The following HOXA4 variants were observed in gnomAD, a reference collection of about 807,000 sequenced individuals.
The protein encoded by HOXA4 is homeobox A4.
In HOXA4, 31 loss-of-function variants were observed where a neutral mutation model predicts 25.3. That is an observed-to-expected ratio of 1.22 (90% CI 0.92 to 1.65). The LOEUF (loss-of-function observed/expected upper bound fraction) is 1.65, where lower values mean the gene tolerates loss of function less well. HOXA4 is among the 40% of genes most tolerant of loss of function. The pLI is 0.00. For missense variants in HOXA4, 459 were observed against 446.0 expected (o/e 1.03, Z -0.26); for synonymous variants, 225 against 207.7 (o/e 1.08, Z -0.72).
At chr7:27,129,958 T>C in intron 1 of HOXA4, 160 bp downstream of exon 1, 1 of 777,010 alleles carries the variant, frequency 1.3e-6, no homozygotes, top group Non-Finnish European at 2.0e-6. Context: ...ATCAGGCGGC[T>C]GGCTGGCGCG....
chr7:27,129,468 CA>C lies in HOXA4; in HGVS notation c.719del (p.Leu240ArgfsTer29). 3 of 1,614,122 alleles carry C rather than the reference CA, an allele frequency of 1.9e-6. No homozygotes were observed. Among genetic ancestry groups the C allele is most frequent in the Non-Finnish European group, 2.5e-6 (3 of 1,180,018 alleles). Reference protein sequence around the residue: ...LEKEFHFNRYLTRRRRIEIAH... With the variant: ...LEKEFHFNRYXTRRRRIEIAH... ...CGATCTCGATGCGGCGCCGCCGGGTCAGGTATCGATTGAAGTGGAACTCCTT... is the reference window on the plus strand; with the variant it reads ...CGATCTCGATGCGGCGCCGCCGGGTCGGTATCGATTGAAGTGGAACTCCTT... On this transcript the variant is annotated frameshift_variant, in exon 2 of 2. Coordinates refer to ENST00000360046, the MANE Select transcript of HOXA4 (RefSeq NM_002141.5). LOFTEE classifies it high-confidence loss of function.
In HOXA4 at chr7:27,130,756, C is replaced by T; in HGVS notation, c.-23G>A. 1 of 1,593,948 alleles carries T rather than the reference C, an allele frequency of 6.3e-7. No homozygotes were observed. The highest frequency in any genetic ancestry group is 1.7e-5 in the Admixed American group (1 of 58,308). On this transcript the variant is annotated 5_prime_UTR_variant, in exon 1 of 2. Coordinates refer to ENST00000360046, the MANE Select transcript of HOXA4 (RefSeq NM_002141.5). ...CATTAATTTGTGAAGTGCAAAAATA[C>T]TAATTTTTCTCGCGTTGTCGTTTTT...
In HOXA4 at chr7:27,129,172, A is replaced by G; in HGVS notation, c.*53T>C. 9.4e-7 allele frequency: 1 copy of G among 1,068,448 alleles called. No individual in the cohort carries two copies. Among genetic ancestry groups the G allele is most frequent in the South Asian group, 1.2e-5 (1 of 80,232 alleles). The allele number at this position is 1,068,448 out of a possible 1,614,324, so 66.2% of individuals were successfully genotyped here. A position where few individuals can be genotyped will look rare whatever the true frequency, so the allele number is the denominator to read the frequency against. On this transcript the variant is annotated 3_prime_UTR_variant, in exon 2 of 2. Coordinates refer to ENST00000360046, the MANE Select transcript of HOXA4 (RefSeq NM_002141.5). Reference sequence around the variant, plus strand: ...GGGTGGATGAGGAACGGAGCAGGAGAAGAGAAGAGAAAAGCAGGTAAGGGA... The same window carrying G: ...GGGTGGATGAGGAACGGAGCAGGAGGAGAGAAGAGAAAAGCAGGTAAGGGA...
chr7:27,130,037 G>A, intron 1 of HOXA4, 81 bp downstream of exon 1: 1 of 1,461,238 alleles, frequency 6.8e-7, no homozygotes, highest in Non-Finnish European at 9.2e-7. Context: ...CTTCCCCTGA[G>A]CCTCTCCCTC....
In HOXA4 at chr7:27,130,344, C is replaced by T. The variant is rs977484319; in HGVS notation, c.390G>A (p.Leu130=). 6.3e-6 allele frequency: 7 copies of T among 1,119,720 alleles called. No homozygotes were observed. The highest frequency in any genetic ancestry group is 1.7e-5 in the African/African-American group (1 of 59,492). The allele number at this position is 1,119,720 out of a possible 1,614,324, so 69.4% of individuals were successfully genotyped here. The part of the protein sequence containing the change: ...PAQAKGPAHG[L]HASHVLQPQL... ...GGGGCTGCAGGACGTGGCTCGCATG[C>T]AGGCCGTGCGCTGGGCCCTTGGCTT... The change falls in exon 1 of 2, where the codon CTG becomes CTA. Residue 130 remains leucine (L), a synonymous_variant. Coordinates refer to ENST00000360046, the MANE Select transcript of HOXA4 (RefSeq NM_002141.5).
At position 27,130,665 on chromosome 7, in the gene HOXA4, G is replaced by A; in HGVS notation, c.69C>T (p.Tyr23=). Residue 23 remains tyrosine (Y), a synonymous_variant, in exon 1 of 2, where the codon TAC becomes TAT. Coordinates refer to ENST00000360046, the MANE Select transcript of HOXA4 (RefSeq NM_002141.5). ...IEPKFPPFEE[Y]AQHSGSGGAD... ...CGCCGCCCGAGCCGCTGTGCTGCGC[G>A]TACTCCTCGAAGGGAGGGAACTTGG... The A allele has an allele frequency of 1.2e-6, 2 of 1,606,560 alleles. No homozygotes were observed. Among genetic ancestry groups the A allele is most frequent in the South Asian group, 2.2e-5 (2 of 90,224 alleles).
At chr7:27,129,683 T>C (rs1785436960) in intron 1 of HOXA4, 112 bp from the exon 2 acceptor site, 3 of 1,151,112 alleles carry the variant, frequency 2.6e-6, no homozygotes, top group Non-Finnish European at 2.5e-6. Flanking sequence ...ATCATCATTA[T>C]ATAATAACCT....
chr7:27,130,592 G>T lies in HOXA4; in HGVS notation c.142C>A (p.Pro48Thr), dbSNP rs759895745. The T allele has an allele frequency of 6.6e-7, 1 of 1,525,336 alleles. No homozygotes were observed. 94.5% of individuals were successfully genotyped at this position (1,525,336 alleles called of 1,614,324 possible). ...TGCAGCGGCAGGTGCTGGGTCGGGG[G>T]CGCTGGGGGCTGCTGGTAGCCGGGG... ...GGPGYQQPPA[P>T]PTQHLPLQQP... Residue 48 changes from proline to threonine, a missense_variant, in exon 1 of 2, where the codon CCC (proline) becomes ACC (threonine). Transcript: ENST00000360046.
intron 1 of HOXA4, among the ~76,000 whole-genome samples, chr7:27,129,798 G>A (rs536412763): frequency 6.6e-6 from 1 of 152,318 alleles, no homozygotes; most frequent in East Asian, 1.9e-4. Flanking sequence ...CTGGGCATTG[G>A]GGCTGAAGAA....
chr7:27,130,208 G>A lies in HOXA4; in HGVS notation c.526C>T (p.Pro176Ser), dbSNP rs1475835236. ...GGGCTCTTGTCGGCCAAGAGCAGCG[G>A]GCACGCGGGGGCGCTGCCCCCTGCC... ...VPAGGSAPAC[P>S]LLLADKSPLG... The change falls in exon 1 of 2, where the codon CCG becomes TCG. Residue 176 changes from proline to serine, a missense_variant. Coordinates refer to ENST00000360046, the MANE Select transcript of HOXA4 (RefSeq NM_002141.5). The A allele has an allele frequency of 3.3e-6, 5 of 1,535,962 alleles. No homozygotes were observed. Among genetic ancestry groups the A allele is most frequent in the Non-Finnish European group, 2.6e-6 (3 of 1,147,012 alleles).
rs754506730 is a variant in HOXA4 at position 27,130,251 on chromosome 7, GGGGGCCGCCTCGCAGCGCCGC to G, written c.462_482del (p.Arg155_Pro161del). The G allele has an allele frequency of 1.1e-4, 134 of 1,251,570 alleles. No individual in the cohort carries two copies. Among genetic ancestry groups the G allele is most frequent in the South Asian group, 4.4e-4 (19 of 42,904 alleles). 77.5% of individuals were successfully genotyped at this position (1,251,570 alleles called of 1,614,324 possible). ...CCCCTGCCGGGACGCCTGGGGTGGCGGGGGCCGCCTCGCAGCGCCGCGGGGCCGCTGGGGGCACGGCGCGAG... is the reference window on the plus strand; with the variant it reads ...CCCCTGCCGGGACGCCTGGGGTGGCGGGGGCCGCTGGGGGCACGGCGCGAG... On this transcript the variant is annotated inframe_deletion, in exon 1 of 2. Coordinates refer to ENST00000360046, the MANE Select transcript of HOXA4 (RefSeq NM_002141.5).
rs986658211 is a variant in HOXA4 at position 27,128,991 on chromosome 7, G to A, written c.*234C>T. ...TATCCACACCTGGCAGCCTTGTTTCGGGCCAGCAGGTTGTTCCACCAGCCA... is the reference window on the plus strand; with the variant it reads ...TATCCACACCTGGCAGCCTTGTTTCAGGCCAGCAGGTTGTTCCACCAGCCA... On this transcript the variant is annotated 3_prime_UTR_variant, in exon 2 of 2. Transcript: ENST00000360046. The A allele has an allele frequency of 5.2e-5, 30 of 580,628 alleles. No homozygotes were observed. Among genetic ancestry groups the A allele is most frequent in the Non-Finnish European group, 7.7e-5 (25 of 324,832 alleles). The allele number at this position is 580,628 out of a possible 1,614,324, so 36.0% of individuals were successfully genotyped here.
chr7:27,129,391 C>T lies in HOXA4; in HGVS notation c.797G>A (p.Arg266Gln), dbSNP rs191156011. Residue 266 changes from arginine to glutamine, a missense_variant, in exon 2 of 2, where the codon CGG becomes CAG. By Grantham distance (43) the Arg-to-Gln change is conservative (BLOSUM62 1). Coordinates refer to ENST00000360046, the MANE Select transcript of HOXA4 (RefSeq NM_002141.5). ...GTGGTCTTTCTTCCACTTCATCCTCCGGTTCTGAAACCAGATCTTGACCTG... is the reference window on the plus strand; with the variant it reads ...GTGGTCTTTCTTCCACTTCATCCTCTGGTTCTGAAACCAGATCTTGACCTG... ...ERQVKIWFQN[R>Q]RMKWKKDHKL... 2 of 1,614,080 alleles carry T rather than the reference C, an allele frequency of 1.2e-6. No individual in the cohort carries two copies. The highest frequency in any genetic ancestry group is 8.5e-7 in the Non-Finnish European group (1 of 1,180,024).
Position 27,129,455 on chromosome 7 carries a change from G to GC in HOXA4, c.732_733insG (p.Arg245AlafsTer12). 1.9e-6 allele frequency: 3 copies of GC among 1,614,154 alleles called. No individual in the cohort carries two copies. The highest frequency in any genetic ancestry group is 2.5e-6 in the Non-Finnish European group (3 of 1,180,012). ...CAGAGCGTGTGGGCGATCTCGATGC[G>GC]GCGCCGCCGGGTCAGGTATCGATTG... is the stretch of plus-strand genomic sequence containing the variant. On this transcript the variant is annotated frameshift_variant, in exon 2 of 2. Coordinates refer to ENST00000360046, the MANE Select transcript of HOXA4 (RefSeq NM_002141.5). LOFTEE classifies it high-confidence loss of function.
In HOXA4 at chr7:27,130,104, G is replaced by A. The variant is rs777420229; in HGVS notation, c.616+14C>T. ...CCGGCCCACCTCCCGCGCCTCCCAA[G>A]CGGCGCCACGTACCGGCGCTGACAT... is the stretch of plus-strand genomic sequence containing the variant. On this transcript the variant is annotated intron_variant, in intron 1 of 1. Coordinates refer to ENST00000360046, the MANE Select transcript of HOXA4 (RefSeq NM_002141.5). The A allele has an allele frequency of 1.3e-6, 2 of 1,590,110 alleles. No individual in the cohort carries two copies. Among genetic ancestry groups the A allele is most frequent in the South Asian group, 1.1e-5 (1 of 88,728 alleles).
chr7:27,129,443 C>A lies in HOXA4; in HGVS notation c.745G>T (p.Ala249Ser), dbSNP rs577912292. 6.2e-7 allele frequency: 1 copy of A among 1,613,956 alleles called. No individual in the cohort carries two copies. The highest frequency in any genetic ancestry group is 8.5e-7 in the Non-Finnish European group (1 of 1,180,018). Residue 249 changes from alanine to serine, a missense_variant, in exon 2 of 2, where the codon GCC becomes TCC. Coordinates refer to ENST00000360046, the MANE Select transcript of HOXA4 (RefSeq NM_002141.5). ...YLTRRRRIEIAHTLCLSERQV... is the reference protein window; with the variant it reads ...YLTRRRRIEISHTLCLSERQV... ...CGCTCAGACAAACAGAGCGTGTGGGCGATCTCGATGCGGCGCCGCCGGGTC... is the reference window on the plus strand; with the variant it reads ...CGCTCAGACAAACAGAGCGTGTGGGAGATCTCGATGCGGCGCCGCCGGGTC...
At position 27,129,475 on chromosome 7, in the gene HOXA4, C is replaced by T; in HGVS notation, c.713G>A (p.Arg238Gln). ...LELEKEFHFN[R>Q]YLTRRRRIEI... ...GATGCGGCGCCGCCGGGTCAGGTAT[C>T]GATTGAAGTGGAACTCCTTCTCCAG... Residue 238 changes from arginine (R) to glutamine (Q), a missense_variant, in exon 2 of 2, where the codon CGA (arginine) becomes CAA (glutamine). By Grantham distance (43) the Arg-to-Gln change is conservative. Coordinates refer to ENST00000360046, the MANE Select transcript of HOXA4 (RefSeq NM_002141.5). 6.2e-7 allele frequency: 1 copy of T among 1,614,094 alleles called. No individual in the cohort carries two copies. The highest frequency in any genetic ancestry group is 8.5e-7 in the Non-Finnish European group (1 of 1,180,002).
At position 27,129,285 on chromosome 7, in the gene HOXA4, G is replaced by C. The variant is rs1215667313; in HGVS notation, c.903C>G (p.Ser301Arg). 1 of 1,613,952 alleles carries C rather than the reference G, an allele frequency of 6.2e-7. No homozygotes were observed. The highest frequency in any genetic ancestry group is 1.7e-5 in the Admixed American group (1 of 60,012). ...GGTGGGGGTGGGGATGGAGGTGTGGGCTCTGAGTTTGTGCTTTCCCTGGTG... is the reference window on the plus strand; with the variant it reads ...GGTGGGGGTGGGGATGGAGGTGTGGCCTCTGAGTTTGTGCTTTCCCTGGTG... ...AGPPGKAQTQ[S>R]PHLHPHPHPS... The change falls in exon 2 of 2, where the codon AGC (serine) becomes AGG (arginine). Residue 301 changes from serine to arginine, a missense_variant. By Grantham distance (110) the Ser-to-Arg change is moderately radical. Transcript: ENST00000360046.
At position 27,129,264 on chromosome 7, in the gene HOXA4, G is replaced by C. The variant is rs535968108; in HGVS notation, c.924C>G (p.Pro308=). Residue 308 remains proline, a synonymous_variant, in exon 2 of 2, where the codon CCC becomes CCG. Transcript: ENST00000360046. ...GAACGGGTGTGGAGGTGCTCGGGTG[G>C]GGGTGGGGATGGAGGTGTGGGCTCT... ...QTQSPHLHPH[P]HPSTSTPVPS... 6.8e-6 allele frequency: 11 copies of C among 1,611,534 alleles called. No individual in the cohort carries two copies. In the African/African-American group the frequency reaches 9.3e-5, roughly 14 times the overall value.
Sources: gnomAD v4.1 joint callset for allele counts (sites outside exome capture counted in the v4.1 genomes callset) on GRCh38, gnomAD v4.1.1 for gene constraint, MANE v1.5 for transcripts, NCBI Gene and HGNC (gene_info 2026-07-23, HGNC 2026-07-21) for gene names.